CNTNAP2: variants seen among roughly 807,000 people sequenced by gnomAD.
The protein encoded by CNTNAP2 is contactin-associated protein-like 2.
CNTNAP2 carries 98 observed loss-of-function variants against 155.2 expected under a neutral mutation model. That is an observed-to-expected ratio of 0.63 (90% confidence interval 0.54 to 0.75). The LOEUF is 0.75. Ranked by LOEUF, CNTNAP2 falls within the 30% of genes least tolerant of loss-of-function variation. The pLI, the probability that CNTNAP2 is intolerant of heterozygous loss-of-function variation, is 0.00. For synonymous variants in CNTNAP2, 651 were observed against 631.2 expected, an observed-to-expected ratio of 1.03 and a Z score of -0.47; for missense variants, 1,727 against 1,688.1, an observed-to-expected ratio of 1.02 and a Z score of -0.40.
chr7:147,592,609 T>G (rs1800758946), intron 12 of CNTNAP2, among the ~76,000 whole-genome samples: 1 of 152,134 alleles, frequency 6.6e-6, no homozygotes, highest in Admixed American at 6.5e-5. Flanking sequence ...TTTACTACCC[T>G]TTTCTCAACA....
chr7:146,730,936 C>T (rs959270096), intron 1 of CNTNAP2, among the ~76,000 whole-genome samples: 1 of 152,134 alleles, frequency 6.6e-6, no homozygotes, highest in South Asian at 2.1e-4. Context: ...TTCAAAGGAA[C>T]CTTCTATCCA....
At position 147,977,821 on chromosome 7, in the gene CNTNAP2, G is replaced by A. The variant is rs752272951; in HGVS notation, c.2256-41G>A. 5.0e-6 allele frequency: 8 copies of A among 1,613,174 alleles called. No homozygotes were observed. In the East Asian group the frequency reaches 1.3e-4, roughly 27 times the overall value. On this transcript the variant is annotated intron_variant, in intron 14 of 23. Transcript: ENST00000361727. ...CTAGCAGAAAATTCATATGTCTAAT[G>A]CAGCCTCCTCATTCTTTTTCTGTCT...
At chr7:147,226,058 G>T (rs1328047870) in intron 8 of CNTNAP2, among the ~76,000 whole-genome samples, 2 of 152,068 alleles carry the variant, frequency 1.3e-5, no homozygotes, top group African/African-American at 2.4e-5. Flanking sequence ...CAACAGAATG[G>T]GCACACAAGG....
intron 2 of CNTNAP2, among the ~76,000 whole-genome samples, chr7:146,799,965 TAAAA>T (rs1053170487): frequency 7.9e-6 from 1 of 126,164 alleles, no homozygotes; most frequent in Non-Finnish European, 1.5e-5. Context: ...ATCTGTTAAA[TAAAA>T]AAAGTATGAA....
intron 9 of CNTNAP2, among the ~76,000 whole-genome samples, chr7:147,382,736 A>T (rs181939091): frequency 6.6e-6 from 1 of 152,232 alleles, no homozygotes; most frequent in African/African-American, 2.4e-5. Context: ...AGCCTAGGAC[A>T]AGCTTTAGGA....
chr7:146,283,472 A>T lies in CNTNAP2; in HGVS notation c.97+166499A>T, dbSNP rs192818325. ...AGTCTCAACCTCCCAGGCTCAAATC[A>T]TCTTCCCACCTCAGCCTCCCGAGTA... is the stretch of plus-strand genomic sequence containing the variant. On this transcript the variant is annotated intron_variant, in intron 1 of 23. Transcript: ENST00000361727. 3.9e-4 allele frequency among the ~76,000 whole-genome samples: 59 copies of T among 152,208 alleles called. 1 individual carries two copies. In the East Asian group the frequency reaches 9.5e-3, roughly 24 times the overall value.
chr7:146,158,399 G>A (rs1311545338), intron 1 of CNTNAP2, among the ~76,000 whole-genome samples: 1 of 152,144 alleles, frequency 6.6e-6, no homozygotes, highest in African/African-American at 2.4e-5. Context: ...ACTTTGATGA[G>A]TTTAGAGAAG....
At chr7:147,697,064 A>T (rs1796171397) in intron 13 of CNTNAP2, among the ~76,000 whole-genome samples, 1 of 151,994 alleles carries the variant, frequency 6.6e-6, no homozygotes, top group Admixed American at 6.6e-5. Context: ...GTGACTGAGA[A>T]TTTTTCCAAA....
chr7:146,871,703 A>AT (rs1795312592), intron 3 of CNTNAP2, among the ~76,000 whole-genome samples: 1 of 152,046 alleles, frequency 6.6e-6, no homozygotes, highest in Admixed American at 6.6e-5. Context: ...AATAAAATAT[A>AT]TTTTCAATGA....
chr7:148,282,204 A>G (rs1796986502), intron 21 of CNTNAP2, among the ~76,000 whole-genome samples: 1 of 152,250 alleles, frequency 6.6e-6, no homozygotes, highest in South Asian at 2.1e-4. Flanking sequence ...TAACAAGGAC[A>G]ATAAATAATT....
At chr7:146,783,080 A>G (rs754778973) in intron 2 of CNTNAP2, among the ~76,000 whole-genome samples, 2 of 152,128 alleles carry the variant, frequency 1.3e-5, no homozygotes, top group African/African-American at 4.8e-5. Context: ...ATTCTGCAGG[A>G]CTTTTCACCT....
chr7:146,383,996 AAG>A (rs1795426513), intron 1 of CNTNAP2, among the ~76,000 whole-genome samples: 1 of 152,166 alleles, frequency 6.6e-6, no homozygotes, highest in Non-Finnish European at 1.5e-5. Context: ...TGTAATGTAA[AAG>A]AGTGTCACTG....
chr7:147,801,725 T>A (rs1797990681), intron 13 of CNTNAP2, among the ~76,000 whole-genome samples: 1 of 152,146 alleles, frequency 6.6e-6, no homozygotes. Context: ...GTCTACTTCT[T>A]TCTACACAGA....
At chr7:147,297,491 A>G (rs1794852419) in intron 8 of CNTNAP2, among the ~76,000 whole-genome samples, 2 of 152,174 alleles carry the variant, frequency 1.3e-5, no homozygotes, top group Admixed American at 6.5e-5. Context: ...GAGAGAGGAA[A>G]ATGATATGTT....
chr7:146,898,852 A>G (rs185274940), intron 3 of CNTNAP2, among the ~76,000 whole-genome samples: 100 of 152,112 alleles, frequency 6.6e-4, no homozygotes, highest in Middle Eastern at 3.4e-3. Flanking sequence ...ACTTTTTAAC[A>G]TAATGTCTGA....
At chr7:147,768,339 G>A (rs1168302167) in intron 13 of CNTNAP2, among the ~76,000 whole-genome samples, 1 of 152,110 alleles carries the variant, frequency 6.6e-6, no homozygotes, top group Non-Finnish European at 1.5e-5. Flanking sequence ...TCGGGAGGAA[G>A]TGTATGGCTG....
chr7:147,492,195 A>G (rs540876941), intron 11 of CNTNAP2, among the ~76,000 whole-genome samples: 1 of 152,234 alleles, frequency 6.6e-6, no homozygotes, highest in South Asian at 2.1e-4. Flanking sequence ...CATTAGTTGA[A>G]TTCTCATAAG....
intron 16 of CNTNAP2, among the ~76,000 whole-genome samples, chr7:148,129,574 G>A (rs1450919494): frequency 6.6e-6 from 1 of 152,078 alleles, no homozygotes; most frequent in Admixed American, 6.6e-5. Context: ...TGGAAAAGTA[G>A]AAAAAGAGAA....
intron 12 of CNTNAP2, among the ~76,000 whole-genome samples, chr7:147,610,155 A>T (rs1801154776): frequency 3.3e-5 from 5 of 152,332 alleles, no homozygotes; most frequent in Middle Eastern, 6.8e-3. Context: ...ATAAACACGG[A>T]TTTACAACTA....
Sources: gnomAD v4.1 joint callset for allele counts (sites outside exome capture counted in the v4.1 genomes callset) on GRCh38, gnomAD v4.1.1 for gene constraint, MANE v1.5 for transcripts, NCBI Gene and HGNC (gene_info 2026-07-23, HGNC 2026-07-21) for gene names.